KLHL5: variants seen among roughly 807,000 people sequenced by gnomAD.
KLHL5 encodes kelch like family member 5, also known as kelch-like protein 5.
A neutral mutation model predicts 77.7 loss-of-function variants in KLHL5; 48 were observed. That is an observed-to-expected ratio of 0.62 (90% CI 0.49 to 0.79). The LOEUF (loss-of-function observed/expected upper bound fraction) is 0.79. Ranked by LOEUF, KLHL5 falls within the 30% of genes least tolerant of loss-of-function variation. The probability of loss-of-function intolerance (pLI) is 0.00; values close to 1 mark genes in which losing one functional copy is unlikely to be tolerated. For synonymous variants in KLHL5, 260 were observed against 297.0 expected (o/e 0.88, Z 1.28); for missense variants, 723 against 859.7 (o/e 0.84, Z 1.99).
the KLHL5 span, among the ~76,000 whole-genome samples, chr4:39,139,598 C>T: frequency 1.3e-4 from 19 of 151,762 alleles, no homozygotes; most frequent in East Asian, 3.9e-4. Flanking sequence ...AGCACTCTGG[C>T]GGGGGAGGTT....
chr4:39,109,792 TCC>T, intron 8 of KLHL5, among the ~76,000 whole-genome samples: 2 of 151,822 alleles, frequency 1.3e-5, no homozygotes, highest in South Asian at 4.2e-4. Flanking sequence ...CCAGTGATTC[TCC>T]TGCCTCAGCC....
At chr4:39,091,742 C>T (rs994404389) in intron 5 of KLHL5, among the ~76,000 whole-genome samples, 1 of 151,086 alleles carries the variant, frequency 6.6e-6, no homozygotes, top group East Asian at 1.9e-4. Flanking sequence ...ACAATCATAG[C>T]TCACTGCAGC....
At chr4:39,049,471 GTCC>G (rs1330127090) in intron 1 of KLHL5, among the ~76,000 whole-genome samples, 4 of 152,086 alleles carry the variant, frequency 2.6e-5, no homozygotes, top group Non-Finnish European at 5.9e-5. Context: ...GGATTCTTCA[GTCC>G]AGGAGTTTTG....
the KLHL5 span, among the ~76,000 whole-genome samples, chr4:39,134,414 AT>A: frequency 6.6e-6 from 1 of 152,230 alleles, no homozygotes; most frequent in Non-Finnish European, 1.5e-5. Flanking sequence ...AGATATGACT[AT>A]TCCCAGTTAA....
intron 1 of KLHL5, among the ~76,000 whole-genome samples, chr4:39,051,025 G>C (rs555841824): frequency 1.3e-5 from 2 of 152,148 alleles, no homozygotes; most frequent in Non-Finnish European, 2.9e-5. Flanking sequence ...TTCTCCTCAT[G>C]GGTAATAATG....
At chr4:39,082,508 ACT>A (rs1250141651) in intron 4 of KLHL5, among the ~76,000 whole-genome samples, 2 of 152,178 alleles carry the variant, frequency 1.3e-5, no homozygotes, top group African/African-American at 4.8e-5. Context: ...TCACATATTC[ACT>A]GATAGAAATT....
intron 7 of KLHL5, 49 bp downstream of exon 7, chr4:39,103,560 G>A: frequency 3.4e-6 from 5 of 1,455,576 alleles, no homozygotes; most frequent in South Asian, 1.1e-5. Flanking sequence ...AGCTCCCACG[G>A]CACATTTACA....
chr4:39,108,485 T>C (rs770168984), intron 8 of KLHL5, among the ~76,000 whole-genome samples: 18 of 152,162 alleles, frequency 1.2e-4, no homozygotes, highest in Non-Finnish European at 2.1e-4. Flanking sequence ...ATAAGAAAAA[T>C]GAAAAAAATA....
At chr4:39,105,984 C>G (rs1046085577) in intron 7 of KLHL5, among the ~76,000 whole-genome samples, 2 of 152,102 alleles carry the variant, frequency 1.3e-5, no homozygotes, top group African/African-American at 4.8e-5. Context: ...CACCTCTTCT[C>G]AAATCCCTCT....
downstream of KLHL5, among the ~76,000 whole-genome samples, chr4:39,127,440 T>C (rs2109656241): frequency 6.6e-6 from 1 of 151,926 alleles, no homozygotes; most frequent in South Asian, 2.1e-4. Context: ...GGGTTTTTTG[T>C]TTGTTTGATT....
At chr4:39,047,889 A>G (rs1286307422) in intron 1 of KLHL5, among the ~76,000 whole-genome samples, 1 of 152,232 alleles carries the variant, frequency 6.6e-6, no homozygotes, top group Non-Finnish European at 1.5e-5. Flanking sequence ...GAAGATTTGA[A>G]GCCAGAAAGT....
intron 5 of KLHL5, among the ~76,000 whole-genome samples, chr4:39,094,614 G>T (rs1320924006): frequency 2.6e-5 from 4 of 151,716 alleles, no homozygotes; most frequent in Non-Finnish European, 5.9e-5. Context: ...ATGCTATAAA[G>T]ACACTGTAAT....
the KLHL5 span, among the ~76,000 whole-genome samples, chr4:39,137,189 G>A: frequency 6.6e-6 from 1 of 151,694 alleles, no homozygotes; most frequent in Non-Finnish European, 1.5e-5. Context: ...ATGTGCGTGT[G>A]TGTGTATAGA....
chr4:39,084,200 G>A (rs1215007141), intron 4 of KLHL5, among the ~76,000 whole-genome samples: 1 of 152,146 alleles, frequency 6.6e-6, no homozygotes, highest in Non-Finnish European at 1.5e-5. Context: ...CCACGCCAGT[G>A]AGTTCAATCA....
At chr4:39,131,742 G>A (rs1723806735), downstream of KLHL5, among the ~76,000 whole-genome samples, 1 of 151,978 alleles carries the variant, frequency 6.6e-6, no homozygotes, top group African/African-American at 2.4e-5. Context: ...ACAAAAATTA[G>A]CCGGGTGTGG....
chr4:39,096,974 G>T, intron 6 of KLHL5, 96 bp downstream of exon 6: 1 of 1,045,100 alleles, frequency 9.6e-7, no homozygotes, highest in Non-Finnish European at 1.4e-6. Flanking sequence ...AGAAATGGCT[G>T]GCTGCAGGAC....
chr4:39,107,861 C>G (rs1722167004), intron 8 of KLHL5, 130 bp downstream of exon 8: 2 of 601,498 alleles, frequency 3.3e-6, no homozygotes, highest in Non-Finnish European at 2.7e-6. Context: ...ATGTCTCTTT[C>G]TATAATAGTT....
At position 39,123,927 on chromosome 4, in the gene KLHL5, T is replaced by C. The variant is rs566784905; in HGVS notation, c.*2861T>C. ...TACATTTGCAGAAAACATGGTCCTA[T>C]ATATTAAAAATCCTAAAGAATCCAC... On this transcript the variant is annotated 3_prime_UTR_variant, in exon 11 of 11. Transcript: ENST00000504108. Among the ~76,000 whole-genome samples, 2 of 152,150 alleles carry C rather than the reference T, an allele frequency of 1.3e-5. No individual in the cohort carries two copies. Among genetic ancestry groups the C allele is most frequent in the Non-Finnish European group, 2.9e-5 (2 of 68,026 alleles).
rs147851336 is a variant in KLHL5 at position 39,121,439 on chromosome 4, CT to C, written c.*376del. 437 of 179,328 alleles carry C rather than the reference CT, an allele frequency of 2.4e-3. 6 individuals are homozygous for C. The highest frequency in any genetic ancestry group is 9.6e-3 in the African/African-American group (410 of 42,564). The allele number at this position is 179,328 out of a possible 1,614,324, so 11.1% of individuals were successfully genotyped here. On this transcript the variant is annotated 3_prime_UTR_variant, in exon 11 of 11. Coordinates refer to ENST00000504108, the MANE Select transcript of KLHL5 (RefSeq NM_015990.5). ...TACAGTGCAAACACACCAGATGAAACTTTAAAATGTTACTTTTTGTAAGCTT... is the reference window on the plus strand; with the variant it reads ...TACAGTGCAAACACACCAGATGAAACTTAAAATGTTACTTTTTGTAAGCTT...
Sources: allele counts gnomAD v4.1 joint callset (sites outside exome capture counted in the v4.1 genomes callset), GRCh38; gene constraint gnomAD v4.1.1; transcripts MANE v1.5; gene names NCBI Gene and HGNC (gene_info 2026-07-23, HGNC 2026-07-21).